Variants in FYN observed in about 807,000 individuals in gnomAD.
The protein encoded by FYN is tyrosine-protein kinase Fyn.
In FYN, 10 loss-of-function variants were observed where a neutral mutation model predicts 70.2. That is an observed-to-expected ratio of 0.14 (90% confidence interval 0.09 to 0.24). The LOEUF (loss-of-function observed/expected upper bound fraction) is 0.24. Ranked by LOEUF, FYN falls within the 10% of genes least tolerant of loss-of-function variation. FYN has a pLI of 1.00. For synonymous variants in FYN, 236 were observed against 248.6 expected, an observed-to-expected ratio of 0.95 and a Z score of 0.48; for missense variants, 319 against 673.1, an observed-to-expected ratio of 0.47 and a Z score of 5.82.
At chr6:111,796,198 G>A (rs1771799243) in intron 2 of FYN, among the ~76,000 whole-genome samples, 1 of 152,090 alleles carries the variant, frequency 6.6e-6, no homozygotes, top group Non-Finnish European at 1.5e-5. Flanking sequence ...CACCACAAAT[G>A]TTCTCTTTTA....
chr6:111,802,075 G>T (rs1772003552), intron 2 of FYN, among the ~76,000 whole-genome samples: 1 of 152,172 alleles, frequency 6.6e-6, no homozygotes, highest in African/African-American at 2.4e-5. Flanking sequence ...CTGTGTCCCA[G>T]CCCAAATCTC....
chr6:111,677,549 T>C (rs536658626), intron 12 of FYN, among the ~76,000 whole-genome samples: 151 of 152,314 alleles, frequency 9.9e-4, no homozygotes, highest in Middle Eastern at 3.4e-3. Context: ...AAAATCCCAG[T>C]CTATGAAAAC....
At chr6:111,696,564 T>A in intron 9 of FYN, 108 bp from the exon 10 acceptor site, 2 of 844,306 alleles carry the variant, frequency 2.4e-6, no homozygotes, top group Non-Finnish European at 3.5e-6. Flanking sequence ...TTAAAACACT[T>A]AATACAGTTT....
At chr6:111,669,700 G>A (rs1798179230) in intron 13 of FYN, among the ~76,000 whole-genome samples, 1 of 152,010 alleles carries the variant, frequency 6.6e-6, no homozygotes, top group East Asian at 1.9e-4. Context: ...GCAGGCTATG[G>A]GCTAAATTTA....
chr6:111,861,853 A>G (rs1209056034), intron 1 of FYN, among the ~76,000 whole-genome samples: 1 of 152,220 alleles, frequency 6.6e-6, no homozygotes, highest in Non-Finnish European at 1.5e-5. Context: ...TGAAGGATAT[A>G]CAAACAAAGG....
chr6:111,693,809 G>C (rs1799456312), intron 12 of FYN, among the ~76,000 whole-genome samples: 1 of 152,098 alleles, frequency 6.6e-6, no homozygotes, highest in Non-Finnish European at 1.5e-5. Flanking sequence ...CCCAGAAGTG[G>C]GCTAGAGTGG....
chr6:111,812,749 A>G (rs1222691222), intron 2 of FYN, among the ~76,000 whole-genome samples: 4 of 151,604 alleles, frequency 2.6e-5, no homozygotes, highest in Admixed American at 2.0e-4. Flanking sequence ...ATCTTGAGTT[A>G]GTCACATTTA....
intron 2 of FYN, among the ~76,000 whole-genome samples, chr6:111,823,226 A>T (rs1772728245): frequency 6.6e-6 from 1 of 152,210 alleles, no homozygotes; most frequent in South Asian, 2.1e-4. Context: ...CCCACAGGGA[A>T]CCGAACGGAG....
intron 1 of FYN, among the ~76,000 whole-genome samples, chr6:111,863,250 A>G (rs550912690): frequency 2.0e-5 from 3 of 152,370 alleles, no homozygotes; most frequent in Admixed American, 2.0e-4. Flanking sequence ...AACTAGAGAA[A>G]CCATTAACAG....
At chr6:111,823,476 G>C (rs934173778) in intron 2 of FYN, among the ~76,000 whole-genome samples, 7 of 152,182 alleles carry the variant, frequency 4.6e-5, no homozygotes, top group Non-Finnish European at 1.0e-4. Context: ...TGTAAGCTTG[G>C]CATTGAGGAG....
At chr6:111,708,041 TA>T (rs67005650) in intron 5 of FYN, 21 bp from the exon 6 acceptor site, 33,978 of 1,575,732 alleles carry the variant, frequency 0.022, 447 homozygotes, top group Non-Finnish European at 0.025. Context: ...AAAAGAAAAG[TA>T]AATATGTTGA....
intron 4 of FYN, among the ~76,000 whole-genome samples, chr6:111,718,541 T>C (rs2128460825): frequency 6.6e-6 from 1 of 152,244 alleles, no homozygotes; most frequent in Middle Eastern, 3.4e-3. Context: ...ACAAGGACAA[T>C]GGCTGTGTCA....
intron 13 of FYN, among the ~76,000 whole-genome samples, chr6:111,669,223 T>C (rs1324781435): frequency 6.6e-6 from 1 of 151,858 alleles, no homozygotes; most frequent in South Asian, 2.1e-4. Context: ...TCACCTGAGG[T>C]CAGGAGTTTG....
intron 3 of FYN, among the ~76,000 whole-genome samples, chr6:111,769,581 C>T (rs1803362794): frequency 6.6e-6 from 1 of 152,106 alleles, no homozygotes; most frequent in African/African-American, 2.4e-5. Flanking sequence ...AAAAAGAAAC[C>T]TAACCACTGT....
intron 4 of FYN, among the ~76,000 whole-genome samples, chr6:111,718,192 T>A (rs1800759956): frequency 6.6e-6 from 1 of 152,200 alleles, no homozygotes; most frequent in Non-Finnish European, 1.5e-5. Flanking sequence ...ACTGAGGGCT[T>A]TTATGTTCCA....
At chr6:111,839,320 A>G (rs1773283176) in intron 2 of FYN, among the ~76,000 whole-genome samples, 1 of 152,128 alleles carries the variant, frequency 6.6e-6, no homozygotes, top group Non-Finnish European at 1.5e-5. Flanking sequence ...ATCCCAAGCT[A>G]TACCATCCAG....
intron 4 of FYN, 138 bp from the exon 5 acceptor site, chr6:111,714,581 A>C (rs184290991): frequency 1.5e-6 from 1 of 666,910 alleles, no homozygotes; most frequent in Non-Finnish European, 2.6e-6. Flanking sequence ...TGTTGTAATT[A>C]ACGTGTCAAA....
intron 3 of FYN, among the ~76,000 whole-genome samples, chr6:111,732,831 C>T (rs1436098034): frequency 6.6e-6 from 1 of 152,152 alleles, no homozygotes; most frequent in African/African-American, 2.4e-5. Context: ...CAGGGAACAG[C>T]AGGACCACAG....
At chr6:111,779,249 G>C (rs139990208) in intron 3 of FYN, among the ~76,000 whole-genome samples, 91 of 148,810 alleles carry the variant, frequency 6.1e-4, no homozygotes, top group African/African-American at 2.2e-3. Flanking sequence ...CTTAAACACT[G>C]GCCCATCTGC....
Sources: allele counts gnomAD v4.1 joint callset (sites outside exome capture counted in the v4.1 genomes callset), GRCh38; gene constraint gnomAD v4.1.1; transcripts MANE v1.5; gene names NCBI Gene and HGNC (gene_info 2026-07-23, HGNC 2026-07-21).